RBFOX1: variants seen among roughly 807,000 people sequenced by gnomAD.
RBFOX1 encodes the protein RNA binding protein fox-1 homolog 1.
Under a neutral mutation model 57.7 loss-of-function variants are expected in RBFOX1, and 8 were observed. That is an observed-to-expected ratio of 0.14 (90% CI 0.08 to 0.25). RBFOX1 has a LOEUF of 0.25. RBFOX1 is among the 10% of genes least tolerant of loss of function. The pLI, the probability that RBFOX1 is intolerant of heterozygous loss-of-function variation, is 1.00. For synonymous variants in RBFOX1, 326 were observed against 222.4 expected, an observed-to-expected ratio of 1.47 and a Z score of -4.15; for missense variants, 611 against 548.5, an observed-to-expected ratio of 1.11 and a Z score of -1.14.
intron 3 of RBFOX1, among the ~76,000 whole-genome samples, chr16:5,808,978 G>C (rs1227233080): frequency 2.0e-5 from 3 of 152,156 alleles, no homozygotes; most frequent in Admixed American, 2.0e-4. Flanking sequence ...TGGTGAGAGA[G>C]GGCATCCCTG....
intron 3 of RBFOX1, chr16:6,704,259 A>T (rs1254883687): frequency 6.6e-6 from 1 of 152,244 alleles, no homozygotes; most frequent in Non-Finnish European, 1.5e-5. Flanking sequence ...TGCAAATTGA[A>T]CAGCCAGTCC....
intron 3 of RBFOX1, among the ~76,000 whole-genome samples, chr16:6,957,133 T>TTTATTTATTTATTTATTTAC (rs1388708784): frequency 2.0e-5 from 3 of 149,376 alleles, no homozygotes; most frequent in Admixed American, 6.7e-5. Flanking sequence ...TATTTATTTA[T>TTTATTTATTTATTTATTTAC]TTATTTATTT....
chr16:7,396,948 TAAAAG>T lies in RBFOX1; in HGVS notation c.28-121194_28-121190del, dbSNP rs776672805. Among the ~76,000 whole-genome samples, 6 of 150,548 alleles carry T rather than the reference TAAAAG, an allele frequency of 4.0e-5. No individual in the cohort carries two copies. In the East Asian group the frequency reaches 5.9e-4, roughly 15 times the overall value. ...AGGGTGAGACTGTCAAAAAGAAAAATAAAAGAAAAAAAGAAACATAGCAGGAAGGT... is the reference window on the plus strand; with the variant it reads ...AGGGTGAGACTGTCAAAAAGAAAAATAAAAAAAGAAACATAGCAGGAAGGT... On this transcript the variant is annotated intron_variant, in intron 4 of 15. Coordinates refer to ENST00000550418, the MANE Select transcript of RBFOX1 (RefSeq NM_018723.4).
At chr16:6,471,490 A>C (rs1037579361) in intron 2 of RBFOX1, among the ~76,000 whole-genome samples, 1 of 152,080 alleles carries the variant, frequency 6.6e-6, no homozygotes, top group Non-Finnish European at 1.5e-5. Context: ...TGCAATGGGC[A>C]TTCATGTAAG....
intron 2 of RBFOX1, 86 bp from the exon 3 acceptor site, chr16:6,654,517 T>A (rs1043183768): frequency 3.7e-6 from 4 of 1,095,698 alleles, no homozygotes; most frequent in Non-Finnish European, 5.1e-6. Context: ...TTAAAGGGCA[T>A]TTCAACAACA....
intron 1 of RBFOX1, among the ~76,000 whole-genome samples, chr16:5,339,472 T>TTTTTC (rs2064984976): frequency 1.8e-5 from 1 of 55,834 alleles, no homozygotes; most frequent in Non-Finnish European, 2.9e-5. Flanking sequence ...TTTTCCGTGT[T>TTTTTC]TTTTTTTTTT....
intron 4 of RBFOX1, among the ~76,000 whole-genome samples, chr16:7,203,291 A>G (rs9921863): frequency 0.026 from 3,944 of 152,322 alleles, 166 homozygotes; most frequent in African/African-American, 0.088. Flanking sequence ...GCCAGTCACA[A>G]AAACACACGC....
rs149872375 is a variant in RBFOX1 at position 7,145,500 on chromosome 16, C to G, written c.27+93402C>G. On this transcript the variant is annotated intron_variant, in intron 4 of 15. Coordinates refer to ENST00000550418, the MANE Select transcript of RBFOX1 (RefSeq NM_018723.4). ...GAGATGAGAGGCGTGAGCCATCACACCTGGGCTTCTTCCCCTTTTGCCATG... is the reference window on the plus strand; with the variant it reads ...GAGATGAGAGGCGTGAGCCATCACAGCTGGGCTTCTTCCCCTTTTGCCATG... Among the ~76,000 whole-genome samples, 526 of 152,176 alleles carry G rather than the reference C, an allele frequency of 3.5e-3. 1 individual carries two copies. The highest frequency in any genetic ancestry group is 0.012 in the African/African-American group (496 of 41,422).
At chr16:7,065,942 C>T (rs1018749485) in intron 4 of RBFOX1, among the ~76,000 whole-genome samples, 4 of 151,994 alleles carry the variant, frequency 2.6e-5, no homozygotes, top group African/African-American at 7.3e-5. Flanking sequence ...TGTGTTTTTC[C>T]CCCACAGTAA....
At chr16:6,370,698 G>T (rs1284240257) in intron 2 of RBFOX1, among the ~76,000 whole-genome samples, 1 of 152,172 alleles carries the variant, frequency 6.6e-6, no homozygotes, top group Non-Finnish European at 1.5e-5. Context: ...AGAATGGGGA[G>T]TTGATGTTTA....
intron 4 of RBFOX1, among the ~76,000 whole-genome samples, chr16:7,292,956 G>A (rs752932919): frequency 6.6e-6 from 1 of 152,098 alleles, no homozygotes. Context: ...AAGGGGTGAG[G>A]ATACGAATTT....
chr16:6,500,779 A>G (rs1189475326), intron 2 of RBFOX1, among the ~76,000 whole-genome samples: 1 of 151,904 alleles, frequency 6.6e-6, no homozygotes, highest in African/African-American at 2.4e-5. Context: ...AAGATTATAA[A>G]CCAACTGTGA....
intron 4 of RBFOX1, among the ~76,000 whole-genome samples, chr16:7,335,997 A>C (rs566048015): frequency 6.6e-6 from 1 of 152,362 alleles, no homozygotes; most frequent in South Asian, 2.1e-4. Context: ...GCATTGTACA[A>C]ATATTGGCTG....
intron 2 of RBFOX1, among the ~76,000 whole-genome samples, chr16:6,386,067 G>C (rs868479113): frequency 1.3e-4 from 20 of 151,898 alleles, no homozygotes; most frequent in Middle Eastern, 3.2e-3. Context: ...TCCCCAGTAG[G>C]TGGGACTACA....
At chr16:5,977,064 C>T (rs948104139) in intron 4 of RBFOX1, among the ~76,000 whole-genome samples, 1 of 152,134 alleles carries the variant, frequency 6.6e-6, no homozygotes, top group Non-Finnish European at 1.5e-5. Flanking sequence ...TCAGAATCTC[C>T]TGTCTCAGAG....
chr16:6,753,775 G>C (rs1183387074), intron 3 of RBFOX1, among the ~76,000 whole-genome samples: 2 of 152,164 alleles, frequency 1.3e-5, no homozygotes, highest in East Asian at 3.9e-4. Flanking sequence ...TTCGTAGTGA[G>C]AGAATGCTGC....
At chr16:5,956,731 C>T (rs1014434207) in intron 4 of RBFOX1, among the ~76,000 whole-genome samples, 4 of 142,814 alleles carry the variant, frequency 2.8e-5, no homozygotes, top group African/African-American at 5.2e-5. Flanking sequence ...TGCACTGGCA[C>T]AATCATGGCT....
At chr16:7,049,679 C>T (rs1041038603) in intron 3 of RBFOX1, among the ~76,000 whole-genome samples, 4 of 151,884 alleles carry the variant, frequency 2.6e-5, no homozygotes, top group African/African-American at 7.3e-5. Context: ...AAATTTTGGT[C>T]GTTTTGTTCC....
intron 3 of RBFOX1, among the ~76,000 whole-genome samples, chr16:6,906,147 T>G (rs1268250253): frequency 4.6e-5 from 7 of 152,024 alleles, no homozygotes; most frequent in Middle Eastern, 3.4e-3. Context: ...CTGCAAACAG[T>G]GTTGATGTAT....
Sources: allele counts gnomAD v4.1 joint callset (sites outside exome capture counted in the v4.1 genomes callset), GRCh38; gene constraint gnomAD v4.1.1; transcripts MANE v1.5; gene names NCBI Gene and HGNC (gene_info 2026-07-23, HGNC 2026-07-21).